Variants in SEC23A observed in about 807,000 individuals in gnomAD.
The protein encoded by SEC23A is protein transport protein Sec23A.
A neutral mutation model predicts 103.7 loss-of-function variants in SEC23A; 56 were observed. That is an observed-to-expected ratio of 0.54 (90% confidence interval 0.44 to 0.67). The LOEUF is 0.67. Ranked by LOEUF, SEC23A falls within the 30% of genes least tolerant of loss-of-function variation. The probability of loss-of-function intolerance (pLI) is 0.00; values close to 1 mark genes in which losing one functional copy is unlikely to be tolerated. For missense variants in SEC23A, 784 were observed against 936.4 expected, an observed-to-expected ratio of 0.84 and a Z score of 2.12; for synonymous variants, 281 against 293.0, an observed-to-expected ratio of 0.96 and a Z score of 0.42.
chr14:39,044,698 T>C (rs1885769444), intron 16 of SEC23A, among the ~76,000 whole-genome samples: 1 of 152,238 alleles, frequency 6.6e-6, no homozygotes, highest in South Asian at 2.1e-4. Flanking sequence ...CATGTGTCTT[T>C]ATAATCAACT....
chr14:39,063,271 A>T, intron 12 of SEC23A, 53 bp downstream of exon 12: 1 of 1,040,798 alleles, frequency 9.6e-7, no homozygotes, highest in African/African-American at 1.6e-5. Context: ...TAAAGTAAGT[A>T]CTTATTCAAA....
intron 19 of SEC23A, among the ~76,000 whole-genome samples, chr14:39,034,418 T>C (rs1885397239): frequency 6.6e-6 from 1 of 152,240 alleles, no homozygotes; most frequent in Non-Finnish European, 1.5e-5. Context: ...GTTTTAGCTA[T>C]TTCTATTGTT....
chr14:39,075,986 C>T lies in SEC23A; in HGVS notation c.936G>A (p.Ser312=), dbSNP rs1174218952. ...VGDELKTPIR[S]WHDIDKDNAK... is the part of the protein sequence containing the mutation. ...CATTGTCTTTGTCAATGTCATGCCA[C>T]GATCTTATAGGTGTCTTCAACTCAT... Residue 312 remains serine (S), a synonymous_variant, in exon 8 of 20, where the codon TCG becomes TCA. Coordinates refer to ENST00000307712, the MANE Select transcript of SEC23A (RefSeq NM_006364.4). 3 of 1,613,800 alleles carry T rather than the reference C, an allele frequency of 1.9e-6. No homozygotes were observed. Among genetic ancestry groups the T allele is most frequent in the East Asian group, 2.2e-5 (1 of 44,876 alleles).
At position 39,076,112 on chromosome 14, in the gene SEC23A, A is replaced by G. The variant is rs752567505; in HGVS notation, c.829-19T>C. 9.3e-5 allele frequency: 146 copies of G among 1,569,472 alleles called. 3 individuals are homozygous for G. In the South Asian group the frequency reaches 1.6e-3, roughly 18 times the overall value. ...AAGTACACTATTAAAAAAAAAGTCAAGAGTTTAAAAGAAAACATATGAATA... is the reference window on the plus strand; with the variant it reads ...AAGTACACTATTAAAAAAAAAGTCAGGAGTTTAAAAGAAAACATATGAATA... On this transcript the variant is annotated intron_variant, in intron 7 of 19. Transcript: ENST00000307712.
chr14:39,053,581 A>T (rs1406784544), intron 14 of SEC23A, among the ~76,000 whole-genome samples: 1 of 151,840 alleles, frequency 6.6e-6, no homozygotes, highest in Non-Finnish European at 1.5e-5. Context: ...GTACTAGTAT[A>T]AAAAAAACTC....
intron 7 of SEC23A, among the ~76,000 whole-genome samples, chr14:39,077,035 T>C (rs1351299887): frequency 6.6e-6 from 1 of 151,392 alleles, no homozygotes; most frequent in Non-Finnish European, 1.5e-5. Context: ...GAAACCAGTC[T>C]GGCCAACATG....
chr14:39,048,009 G>A (rs926231936), intron 15 of SEC23A, among the ~76,000 whole-genome samples: 6 of 152,082 alleles, frequency 3.9e-5, no homozygotes, highest in Non-Finnish European at 8.8e-5. Flanking sequence ...CTAGCTAACT[G>A]GTAAAATAAC....
At chr14:39,073,829 T>G (rs1194596361) in intron 9 of SEC23A, among the ~76,000 whole-genome samples, 1 of 151,966 alleles carries the variant, frequency 6.6e-6, no homozygotes, top group Non-Finnish European at 1.5e-5. Flanking sequence ...AGGCTTGTCT[T>G]GAACTCCTGA....
chr14:39,043,093 C>A (rs1314376534), intron 16 of SEC23A, among the ~76,000 whole-genome samples: 1 of 152,146 alleles, frequency 6.6e-6, no homozygotes, highest in African/African-American at 2.4e-5. Context: ...CCTCCCAACT[C>A]AGACCCCCAA....
Position 39,094,440 on chromosome 14 carries a change from ATATTTTTTTT to A in SEC23A, c.222-1206_222-1197del, listed in dbSNP as rs1238885636. 6.2e-3 allele frequency among the ~76,000 whole-genome samples: 81 copies of A among 13,082 alleles called. 13 individuals carry two copies. The highest frequency in any genetic ancestry group is 0.023 in the African/African-American group (33 of 1,422). 8.6% of individuals were successfully genotyped at this position (13,082 alleles called of 152,430 possible). ...TATATATATATATATATATATATAT[ATATTTTTTTT>A]TTTTTTTTTTCCCCTCCTGTAGAAA... On this transcript the variant is annotated intron_variant, in intron 2 of 19. Coordinates refer to ENST00000307712, the MANE Select transcript of SEC23A (RefSeq NM_006364.4).
rs147213425 is a variant in SEC23A, at chr14:39,102,338, T to A, written c.-22+694A>T. On this transcript the variant is annotated intron_variant, in intron 1 of 19. Coordinates refer to ENST00000307712, the MANE Select transcript of SEC23A (RefSeq NM_006364.4). ...TTTATATTTAAATCTAAAACCTTTTTAAACCAAGTTAATTTGGCTAGTTAT... is the reference window on the plus strand; with the variant it reads ...TTTATATTTAAATCTAAAACCTTTTAAAACCAAGTTAATTTGGCTAGTTAT... Among the ~76,000 whole-genome samples, 828 of 152,336 alleles carry A rather than the reference T, an allele frequency of 5.4e-3. 8 individuals carry two copies. The highest frequency in any genetic ancestry group is 0.019 in the African/African-American group (777 of 41,572).
intron 18 of SEC23A, chr14:39,039,330 G>GTTTTTTTTTTTTTTTTT (rs1885561149): frequency 2.1e-6 from 1 of 481,690 alleles, no homozygotes; most frequent in Admixed American, 3.8e-5. Context: ...CAAATACATT[G>GTTTTTTTTTTTTTTTTT]TTGAGTCCAA....
intron 1 of SEC23A, among the ~76,000 whole-genome samples, chr14:39,097,217 G>A (rs1390950184): frequency 6.6e-6 from 1 of 152,204 alleles, no homozygotes; most frequent in East Asian, 1.9e-4. Context: ...CTGTCTAAAT[G>A]CCTAGGTAGG....
chr14:39,036,280 T>A (rs970809024), intron 19 of SEC23A, among the ~76,000 whole-genome samples: 3 of 121,798 alleles, frequency 2.5e-5, no homozygotes, highest in Admixed American at 2.3e-4. Context: ...CGAGATCGCG[T>A]CACTACACTC....
chr14:39,048,319 G>A (rs1296841840), intron 15 of SEC23A, among the ~76,000 whole-genome samples: 1 of 152,030 alleles, frequency 6.6e-6, no homozygotes, highest in Non-Finnish European at 1.5e-5. Context: ...AATGCTACTG[G>A]CCACACAAGA....
intron 11 of SEC23A, among the ~76,000 whole-genome samples, chr14:39,064,098 G>A (rs1886574241): frequency 6.9e-6 from 1 of 144,534 alleles, no homozygotes; most frequent in African/African-American, 2.5e-5. Context: ...AAGAGAAACT[G>A]ATTTAACATA....
In SEC23A at chr14:39,091,303, T is replaced by C. The variant is rs1887654040; in HGVS notation, c.603+174A>G. On this transcript the variant is annotated intron_variant, in intron 5 of 19. Transcript: ENST00000307712. ...GAAGGGTGTTTAATCTGTATAACAA[T>C]TTAAGGCACATGAAAAGAAAACTGA... 3 of 615,006 alleles carry C rather than the reference T, an allele frequency of 4.9e-6. No homozygotes were observed. In the South Asian group the frequency reaches 6.1e-5, roughly 12 times the overall value. The allele number at this position is 615,006 out of a possible 1,614,324, so 38.1% of individuals were successfully genotyped here. A position where few individuals can be genotyped will look rare whatever the true frequency, so the allele number is the denominator to read the frequency against.
At chr14:39,093,476 T>C (rs933470102) in intron 2 of SEC23A, among the ~76,000 whole-genome samples, 4 of 152,194 alleles carry the variant, frequency 2.6e-5, no homozygotes, top group East Asian at 1.9e-4. Flanking sequence ...ATAGTAAATA[T>C]TGGCTGGGTG....
intron 16 of SEC23A, 47 bp downstream of exon 16, chr14:39,045,113 GCCA>G: frequency 6.6e-7 from 1 of 1,523,274 alleles, no homozygotes; most frequent in African/African-American, 1.4e-5. Flanking sequence ...CTTTTTTAAT[GCCA>G]CACATTGCAG....
Sources: gnomAD v4.1 joint callset for allele counts (sites outside exome capture counted in the v4.1 genomes callset) on GRCh38, gnomAD v4.1.1 for gene constraint, MANE v1.5 for transcripts, NCBI Gene and HGNC (gene_info 2026-07-23, HGNC 2026-07-21) for gene names.